MAPK14: variants seen among roughly 807,000 people sequenced by gnomAD.
MAPK14 encodes mitogen-activated protein kinase 14.
MAPK14 carries 16 observed loss-of-function variants against 49.6 expected under a neutral mutation model. The observed-to-expected ratio is 0.32, with a 90% CI of 0.22 to 0.49. The LOEUF (loss-of-function observed/expected upper bound fraction) is 0.49. Ranked by LOEUF, MAPK14 falls within the 20% of genes least tolerant of loss-of-function variation. The pLI is 0.99. For synonymous variants in MAPK14, 142 were observed against 158.0 expected (o/e 0.90, Z 0.76); for missense variants, 200 against 441.2 (o/e 0.45, Z 4.90).
chr6:36,108,471 T>C lies in MAPK14; in HGVS notation c.*24T>C. Reference sequence around the variant, plus strand: ...GAGCACCTGGTTTCTGTTCTGTTGATCCCACTTCACTGTGAGGGGAAGGCC... The same window carrying C: ...GAGCACCTGGTTTCTGTTCTGTTGACCCCACTTCACTGTGAGGGGAAGGCC... On this transcript the variant is annotated 3_prime_UTR_variant, in exon 12 of 12. Coordinates refer to ENST00000229794, the MANE Select transcript of MAPK14 (RefSeq NM_139012.3). 1 of 1,594,316 alleles carries C rather than the reference T, an allele frequency of 6.3e-7. No homozygotes were observed. The highest frequency in any genetic ancestry group is 1.1e-5 in the South Asian group (1 of 90,732).
At chr6:36,104,476 C>G (rs537139497) in intron 10 of MAPK14, among the ~76,000 whole-genome samples, 6 of 151,992 alleles carry the variant, frequency 3.9e-5, no homozygotes, top group Non-Finnish European at 7.4e-5. Context: ...CAAGCTCCAC[C>G]TCCCGGCTTT....
the MAPK14 span, among the ~76,000 whole-genome samples, chr6:36,117,701 G>T: frequency 2.0e-5 from 3 of 152,170 alleles, no homozygotes; most frequent in Non-Finnish European, 4.4e-5. Flanking sequence ...GGGGCTGTGA[G>T]GACTAAATGA....
intron 8 of MAPK14, among the ~76,000 whole-genome samples, chr6:36,091,661 A>ACC (rs1159432059): frequency 6.6e-6 from 1 of 152,078 alleles, no homozygotes; most frequent in African/African-American, 2.4e-5. Context: ...CTTTTGAAGA[A>ACC]CCCATGGTGA....
the MAPK14 span, among the ~76,000 whole-genome samples, chr6:36,116,885 TTCTC>T: frequency 6.6e-6 from 1 of 152,196 alleles, no homozygotes; most frequent in East Asian, 1.9e-4. Context: ...TAATGTCTCT[TTCTC>T]AGTCACGTTA....
rs1195189343 is a variant in MAPK14 at position 36,110,168 on chromosome 6, T to A, written c.*1721T>A. ...GTGTAATAAGAAAGTATAAAGTCAC[T>A]TCCAGTGTTGGCTGTGTGACAGAAT... On this transcript the variant is annotated 3_prime_UTR_variant, in exon 12 of 12. Transcript: ENST00000229794. The A allele has an allele frequency of 1.3e-5, 2 of 151,842 alleles. No individual in the cohort carries two copies. Among genetic ancestry groups the A allele is most frequent in the Non-Finnish European group, 2.9e-5 (2 of 67,976 alleles). The allele number at this position is 151,842 out of a possible 1,614,324, so 9.4% of individuals were successfully genotyped here.
intron 9 of MAPK14, 71 bp from the exon 10 acceptor site, chr6:36,102,500 G>A (rs1342856322): frequency 1.7e-6 from 2 of 1,178,190 alleles, no homozygotes; most frequent in East Asian, 4.7e-5. Context: ...TCCTTAGCAG[G>A]ACCAAGATTC....
the MAPK14 span, among the ~76,000 whole-genome samples, chr6:36,121,000 G>A: frequency 6.6e-6 from 1 of 152,110 alleles, no homozygotes; most frequent in Non-Finnish European, 1.5e-5. Context: ...TGGTGAGAGT[G>A]GCCTGGCAAA....
the MAPK14 span, among the ~76,000 whole-genome samples, chr6:36,121,374 G>A: frequency 6.6e-6 from 1 of 152,188 alleles, no homozygotes; most frequent in Non-Finnish European, 1.5e-5. Flanking sequence ...GCTGCCTGCC[G>A]CTGGCTGCCT....
chr6:36,050,496 C>T (rs376936808), intron 1 of MAPK14, among the ~76,000 whole-genome samples: 5 of 152,012 alleles, frequency 3.3e-5, no homozygotes, highest in African/African-American at 1.2e-4. Context: ...GTGGAGTTTC[C>T]TAGAGAGGTC....
At chr6:36,032,194 T>A (rs557147378) in intron 1 of MAPK14, among the ~76,000 whole-genome samples, 1 of 152,344 alleles carries the variant, frequency 6.6e-6, no homozygotes, top group Non-Finnish European at 1.5e-5. Context: ...AAGTGTGGTA[T>A]ACTTTGTAAC....
chr6:36,057,167 T>G (rs567628271), intron 2 of MAPK14, among the ~76,000 whole-genome samples: 15 of 152,206 alleles, frequency 9.9e-5, no homozygotes, highest in Admixed American at 2.6e-4. Flanking sequence ...GCAAAATACA[T>G]ATATTTTTCT....
chr6:36,090,258 G>C (rs1440226871), intron 8 of MAPK14, among the ~76,000 whole-genome samples: 1 of 152,006 alleles, frequency 6.6e-6, no homozygotes, highest in Admixed American at 6.6e-5. Context: ...ACTGGCAATA[G>C]AGCTAAAGCT....
At chr6:36,098,155 C>T (rs11967286) in intron 9 of MAPK14, 1 of 152,106 alleles carries the variant, frequency 6.6e-6, no homozygotes, top group South Asian at 2.1e-4. Context: ...AAATAGCCAA[C>T]AGCTGTTTTC....
chr6:36,078,656 G>T (rs1276379027), intron 8 of MAPK14, among the ~76,000 whole-genome samples: 1 of 152,130 alleles, frequency 6.6e-6, no homozygotes, highest in Non-Finnish European at 1.5e-5. Flanking sequence ...TTTAATACAT[G>T]AGAATTCATT....
chr6:36,035,013 C>T (rs753984301), intron 1 of MAPK14, among the ~76,000 whole-genome samples: 2 of 151,576 alleles, frequency 1.3e-5, no homozygotes, highest in Non-Finnish European at 2.9e-5. Flanking sequence ...ATTCTCCTGC[C>T]TCAGCCTCCC....
chr6:36,123,312 G>A, the MAPK14 span, among the ~76,000 whole-genome samples: 1 of 152,176 alleles, frequency 6.6e-6, no homozygotes, highest in Non-Finnish European at 1.5e-5. Context: ...ACCACCATAC[G>A]AAGGTCCAGC....
intron 1 of MAPK14, among the ~76,000 whole-genome samples, chr6:36,047,557 T>C (rs891685889): frequency 2.6e-5 from 4 of 152,156 alleles, no homozygotes; most frequent in African/African-American, 4.8e-5. Context: ...TTTGTACTTT[T>C]ATTGCTATTT....
the MAPK14 span, among the ~76,000 whole-genome samples, chr6:36,120,117 G>A: frequency 7.9e-5 from 12 of 152,054 alleles, no homozygotes; most frequent in Admixed American, 4.6e-4. Flanking sequence ...TTGATCAATC[G>A]GGGCCTCAGT....
chr6:36,052,425 A>G (rs747607197), intron 1 of MAPK14, among the ~76,000 whole-genome samples: 9 of 152,242 alleles, frequency 5.9e-5, no homozygotes, highest in Non-Finnish European at 1.3e-4. Flanking sequence ...GGTCTTACTT[A>G]CAAAGTTGAA....
Sources: gnomAD v4.1 joint callset for allele counts (sites outside exome capture counted in the v4.1 genomes callset) on GRCh38, gnomAD v4.1.1 for gene constraint, MANE v1.5 for transcripts, NCBI Gene and HGNC (gene_info 2026-07-23, HGNC 2026-07-21) for gene names.